NAA30: variants seen among roughly 807,000 people sequenced by gnomAD.
NAA30 encodes the protein N-alpha-acetyltransferase 30, NatC catalytic subunit.
Under a neutral mutation model 31.4 loss-of-function variants are expected in NAA30, and 5 were observed. That is an observed-to-expected ratio of 0.16 (90% CI 0.08 to 0.33). The LOEUF (loss-of-function observed/expected upper bound fraction) is 0.33, where lower values mean the gene tolerates loss of function less well. Ranked by LOEUF, NAA30 falls within the 10% of genes least tolerant of loss-of-function variation. The pLI is 1.00. For missense variants in NAA30, 428 were observed against 490.8 expected, an observed-to-expected ratio of 0.87 and a Z score of 1.21; for synonymous variants, 222 against 207.1, an observed-to-expected ratio of 1.07 and a Z score of -0.62.
chr14:57,409,202 G>A (rs1419279471), intron 4 of NAA30, among the ~76,000 whole-genome samples, 177 bp from the exon 5 acceptor site: 3 of 152,118 alleles, frequency 2.0e-5, no homozygotes, highest in African/African-American at 4.8e-5. Flanking sequence ...CCAAGCCCTT[G>A]ACCCAAATAT....
chr14:57,396,668 C>A, intron 2 of NAA30, 84 bp from the exon 3 acceptor site: 1 of 1,449,752 alleles, frequency 6.9e-7, no homozygotes, highest in South Asian at 1.3e-5. Flanking sequence ...AAATGCTTAC[C>A]AATGGTTGGT....
intron 4 of NAA30, among the ~76,000 whole-genome samples, chr14:57,405,283 T>C (rs1357310076): frequency 6.6e-6 from 1 of 152,144 alleles, no homozygotes; most frequent in African/African-American, 2.4e-5. Context: ...AAATAACTTA[T>C]ACTTTTCTAA....
rs2066516081 is a variant in NAA30 at position 57,409,918 on chromosome 14, G to T, written c.*402G>T. 1 of 155,624 alleles carries T rather than the reference G, an allele frequency of 6.4e-6. No homozygotes were observed. The highest frequency in any genetic ancestry group is 2.4e-5 in the African/African-American group (1 of 41,562). 9.6% of individuals were successfully genotyped at this position (155,624 alleles called of 1,614,324 possible). On this transcript the variant is annotated 3_prime_UTR_variant, in exon 5 of 5. Coordinates refer to ENST00000556492, the MANE Select transcript of NAA30 (RefSeq NM_001011713.3). ...TATACTAACATTTCACACAAAACCT[G>T]CCCTAGTTTTCTGAAGTGGGTGAGG...
At chr14:57,394,236 TACTC>T (rs928672057) in intron 2 of NAA30, among the ~76,000 whole-genome samples, 1 of 152,166 alleles carries the variant, frequency 6.6e-6, no homozygotes, top group African/African-American at 2.4e-5. Context: ...TTCTTAAACT[TACTC>T]TCAGCAAATG....
chr14:57,414,361 T>C lies in NAA30; in HGVS notation c.*4845T>C, dbSNP rs922689591. 1 of 152,264 alleles carries C rather than the reference T, an allele frequency of 6.6e-6. No homozygotes were observed. The highest frequency in any genetic ancestry group is 1.5e-5 in the Non-Finnish European group (1 of 68,050). 9.4% of individuals were successfully genotyped at this position (152,264 alleles called of 1,614,324 possible). On this transcript the variant is annotated 3_prime_UTR_variant, in exon 5 of 5. Coordinates refer to ENST00000556492, the MANE Select transcript of NAA30 (RefSeq NM_001011713.3). ...ACCCCACCAACCACTGCCCTTGTTA[T>C]GTAGCCTTTCTGAGAAAAGCAGCCC...
intron 4 of NAA30, among the ~76,000 whole-genome samples, chr14:57,400,921 G>T (rs2066473652): frequency 3.3e-5 from 5 of 149,604 alleles, no homozygotes; most frequent in Middle Eastern, 6.9e-3. Context: ...TTGTAGAGAT[G>T]GGAGTCTTGC....
At chr14:57,403,955 A>G (rs2066487938) in intron 4 of NAA30, among the ~76,000 whole-genome samples, 1 of 152,290 alleles carries the variant, frequency 6.6e-6, no homozygotes, top group South Asian at 2.1e-4. Flanking sequence ...AGCCATTGAT[A>G]TCCTTAAAAT....
chr14:57,403,009 C>T (rs940618934), intron 4 of NAA30, among the ~76,000 whole-genome samples: 1 of 152,068 alleles, frequency 6.6e-6, no homozygotes, highest in African/African-American at 2.4e-5. Context: ...GGTGAAACCC[C>T]GTCTCTACTA....
At chr14:57,404,281 C>T (rs930668111) in intron 4 of NAA30, among the ~76,000 whole-genome samples, 1 of 152,134 alleles carries the variant, frequency 6.6e-6, no homozygotes, top group Non-Finnish European at 1.5e-5. Context: ...GAGATCGCGC[C>T]ATTGCACTCC....
chr14:57,405,468 G>A (rs2066494993), intron 4 of NAA30, among the ~76,000 whole-genome samples: 2 of 151,564 alleles, frequency 1.3e-5, no homozygotes. Context: ...GAAACATTAT[G>A]CTATGTGATA....
chr14:57,402,355 T>C (rs1004990406), intron 4 of NAA30, among the ~76,000 whole-genome samples: 1 of 152,268 alleles, frequency 6.6e-6, no homozygotes, highest in Non-Finnish European at 1.5e-5. Context: ...ATGCCTTCTC[T>C]TGTTTGTTGC....
intron 4 of NAA30, among the ~76,000 whole-genome samples, chr14:57,402,690 A>G (rs1357938824): frequency 6.6e-6 from 1 of 152,232 alleles, no homozygotes; most frequent in Non-Finnish European, 1.5e-5. Flanking sequence ...AGGCAAATAA[A>G]CATGTGCTTT....
intron 4 of NAA30, among the ~76,000 whole-genome samples, chr14:57,405,258 C>T (rs2066493726): frequency 6.6e-6 from 1 of 151,994 alleles, no homozygotes; most frequent in African/African-American, 2.4e-5. Context: ...CCAAGAAGAT[C>T]TAAGTTATTT....
rs2066538330 is a variant in NAA30, at chr14:57,414,384, C to G, written c.*4868C>G. 6.6e-6 allele frequency: 1 copy of G among 152,220 alleles called. No individual in the cohort carries two copies. The highest frequency in any genetic ancestry group is 1.5e-5 in the Non-Finnish European group (1 of 68,048). The allele number at this position is 152,220 out of a possible 1,614,324, so 9.4% of individuals were successfully genotyped here. A position where few individuals can be genotyped will look rare whatever the true frequency, so the allele number is the denominator to read the frequency against. ...TATGTAGCCTTTCTGAGAAAAGCAG[C>G]CCTTTCAGATTTTATTGTTGGAAGT... On this transcript the variant is annotated 3_prime_UTR_variant, in exon 5 of 5. Transcript: ENST00000556492.
chr14:57,392,881 A>G (rs563537258), intron 2 of NAA30, among the ~76,000 whole-genome samples: 9 of 152,250 alleles, frequency 5.9e-5, no homozygotes, highest in African/African-American at 2.2e-4. Flanking sequence ...TGGTAGTTCT[A>G]TTTTCTGTCT....
chr14:57,401,945 G>A (rs1449918249), intron 4 of NAA30, among the ~76,000 whole-genome samples: 1 of 152,168 alleles, frequency 6.6e-6, no homozygotes, highest in Non-Finnish European at 1.5e-5. Context: ...AACAATGAAT[G>A]TTACTTAATC....
intron 4 of NAA30, among the ~76,000 whole-genome samples, chr14:57,404,307 G>A (rs943586750): frequency 5.9e-5 from 9 of 152,122 alleles, no homozygotes; most frequent in Admixed American, 1.3e-4. Flanking sequence ...GGGGGCCAGA[G>A]CAAGACTCCA....
At chr14:57,397,027 T>C (rs769645314) in intron 3 of NAA30, 152 bp downstream of exon 3, 6 of 824,998 alleles carry the variant, frequency 7.3e-6, no homozygotes, top group Non-Finnish European at 1.1e-5. Context: ...TTCAAAATGG[T>C]ATTTTTAAAA....
Position 57,390,686 on chromosome 14 carries a change from G to A in NAA30, c.-21G>A, listed in dbSNP as rs2066422275. ...CGGAGGAAGAGGAGTGGCGGCAGCG[G>A]CGGCGGGGACCCGTGCGGGGTGAGC... is the stretch of plus-strand genomic sequence containing the variant. On this transcript the variant is annotated 5_prime_UTR_variant, in exon 1 of 5. Coordinates refer to ENST00000556492, the MANE Select transcript of NAA30 (RefSeq NM_001011713.3). 3 of 381,804 alleles carry A rather than the reference G, an allele frequency of 7.9e-6. No homozygotes were observed. The highest frequency in any genetic ancestry group is 4.6e-5 in the Admixed American group (1 of 21,860). The allele number at this position is 381,804 out of a possible 1,614,324, so 23.7% of individuals were successfully genotyped here. A position where few individuals can be genotyped will look rare whatever the true frequency, so the allele number is the denominator to read the frequency against.
Sources: gnomAD v4.1 joint callset for allele counts (sites outside exome capture counted in the v4.1 genomes callset) on GRCh38, gnomAD v4.1.1 for gene constraint, MANE v1.5 for transcripts, NCBI Gene and HGNC (gene_info 2026-07-23, HGNC 2026-07-21) for gene names.